Variants in MAPK10 observed in about 807,000 individuals in gnomAD.
The protein encoded by MAPK10 is JNK3 alpha protein kinase.
MAPK10 carries 25 observed loss-of-function variants against 59.3 expected under a neutral mutation model. The observed-to-expected ratio is 0.42, with a 90% CI of 0.31 to 0.59. The LOEUF (loss-of-function observed/expected upper bound fraction) is 0.59. MAPK10 is among the 20% of genes least tolerant of loss of function. The probability of loss-of-function intolerance (pLI) is 0.15; values close to 1 mark genes in which losing one functional copy is unlikely to be tolerated. For missense variants in MAPK10, 351 were observed against 568.9 expected (o/e 0.62, Z 3.90); for synonymous variants, 190 against 200.5 (o/e 0.95, Z 0.44).
At chr4:86,573,834 T>C (rs1225517311) in intron 1 of MAPK10, among the ~76,000 whole-genome samples, 1 of 152,238 alleles carries the variant, frequency 6.6e-6, no homozygotes, top group Non-Finnish European at 1.5e-5. Context: ...TCATCCTTTT[T>C]GATGCTATTG....
intron 4 of MAPK10, among the ~76,000 whole-genome samples, chr4:86,128,122 C>A (rs1188045859): frequency 1.3e-5 from 2 of 152,060 alleles, no homozygotes; most frequent in Non-Finnish European, 2.9e-5. Flanking sequence ...AAGATAGGCA[C>A]TCTTGTTGTT....
At chr4:86,320,668 C>T (rs2095870904) in intron 2 of MAPK10, among the ~76,000 whole-genome samples, 1 of 152,154 alleles carries the variant, frequency 6.6e-6, no homozygotes, top group African/African-American at 2.4e-5. Flanking sequence ...TTAATTAGAT[C>T]CCATTTGTCA....
At chr4:86,038,210 G>T (rs2040744246) in intron 11 of MAPK10, among the ~76,000 whole-genome samples, 1 of 152,160 alleles carries the variant, frequency 6.6e-6, no homozygotes, top group South Asian at 2.1e-4. Context: ...CAAGTTGTTG[G>T]TGTTTGTCTG....
At chr4:86,164,916 T>C (rs971092748) in intron 3 of MAPK10, among the ~76,000 whole-genome samples, 4 of 152,164 alleles carry the variant, frequency 2.6e-5, no homozygotes, top group African/African-American at 9.7e-5. Flanking sequence ...ACCTAGACAA[T>C]CTTGTGTGGT....
intron 9 of MAPK10, among the ~76,000 whole-genome samples, chr4:86,070,484 GCACCC>G: frequency 6.7e-6 from 1 of 150,360 alleles, no homozygotes; most frequent in Non-Finnish European, 1.5e-5. Flanking sequence ...CTGGTGCGCT[GCACCC>G]ACTAACTCGT....
At chr4:86,143,490 G>A (rs544844706) in intron 4 of MAPK10, among the ~76,000 whole-genome samples, 5 of 152,272 alleles carry the variant, frequency 3.3e-5, no homozygotes, top group African/African-American at 1.2e-4. Flanking sequence ...CTGGAACTAT[G>A]CAGGAACTCA....
chr4:86,536,298 T>C (rs1758239222), intron 1 of MAPK10, among the ~76,000 whole-genome samples: 2 of 152,354 alleles, frequency 1.3e-5, no homozygotes, highest in East Asian at 3.9e-4. Context: ...TTAATTTTAC[T>C]TGACATAATT....
At chr4:86,419,092 A>C (rs1252426042) in intron 1 of MAPK10, among the ~76,000 whole-genome samples, 3 of 152,174 alleles carry the variant, frequency 2.0e-5, no homozygotes, top group Non-Finnish European at 2.9e-5. Context: ...AGAAATCACC[A>C]CTAAAGAACT....
intron 3 of MAPK10, among the ~76,000 whole-genome samples, chr4:86,188,766 T>G (rs574728273): frequency 2.6e-5 from 4 of 152,344 alleles, no homozygotes; most frequent in South Asian, 4.1e-4. Flanking sequence ...CATTTGTCAA[T>G]TTTGGCTTTT....
intron 1 of MAPK10, among the ~76,000 whole-genome samples, chr4:86,578,258 A>G (rs1424387030): frequency 6.6e-6 from 1 of 152,160 alleles, no homozygotes; most frequent in Non-Finnish European, 1.5e-5. Context: ...TGTAGTGCAC[A>G]GTACAGCTCC....
intron 3 of MAPK10, among the ~76,000 whole-genome samples, chr4:86,163,697 C>A (rs2070645891): frequency 6.6e-6 from 1 of 152,110 alleles, no homozygotes. Context: ...GTACTTCTAA[C>A]AAGTTTCACA....
At chr4:86,338,499 G>T (rs1722911765) in intron 2 of MAPK10, among the ~76,000 whole-genome samples, 1 of 152,198 alleles carries the variant, frequency 6.6e-6, no homozygotes, top group South Asian at 2.1e-4. Flanking sequence ...TCTCAGGACA[G>T]TTTGGGGCAT....
At chr4:86,345,878 G>C (rs17416927) in intron 2 of MAPK10, among the ~76,000 whole-genome samples, 166 of 152,208 alleles carry the variant, frequency 1.1e-3, no homozygotes, top group African/African-American at 3.8e-3. Flanking sequence ...AATCCATTAC[G>C]ACCAATTCAC....
At chr4:86,420,618 A>G (rs776904301) in intron 1 of MAPK10, among the ~76,000 whole-genome samples, 1 of 151,618 alleles carries the variant, frequency 6.6e-6, no homozygotes, top group Admixed American at 6.6e-5. Context: ...CAAGACACCA[A>G]CTCTACAAAA....
chr4:86,159,217 TTTTG>T (rs753143742), intron 4 of MAPK10, 77 bp downstream of exon 4: 30 of 1,097,502 alleles, frequency 2.7e-5, no homozygotes, highest in Non-Finnish European at 3.6e-5. Flanking sequence ...ATTTTGGGGA[TTTTG>T]TTTGTTTGTG....
At chr4:86,295,609 C>T (rs1387011624) in intron 2 of MAPK10, among the ~76,000 whole-genome samples, 1 of 151,702 alleles carries the variant, frequency 6.6e-6, no homozygotes, top group African/African-American at 2.4e-5. Flanking sequence ...AAAATAACTG[C>T]AGCTCCAATG....
intron 1 of MAPK10, among the ~76,000 whole-genome samples, chr4:86,589,356 A>T (rs1209457122): frequency 6.6e-6 from 1 of 152,158 alleles, no homozygotes; most frequent in African/African-American, 2.4e-5. Flanking sequence ...TGTACCACTT[A>T]TCTGGAAGGC....
intron 2 of MAPK10, among the ~76,000 whole-genome samples, chr4:86,272,814 G>C (rs1343064203): frequency 6.6e-6 from 1 of 152,002 alleles, no homozygotes; most frequent in Non-Finnish European, 1.5e-5. Context: ...GGTCTCATAG[G>C]AAGATCTCAC....
chr4:86,343,923 CAATCATTGATTTTTAAATA>C (rs1726600640), intron 2 of MAPK10, among the ~76,000 whole-genome samples: 1 of 152,040 alleles, frequency 6.6e-6, no homozygotes, highest in South Asian at 2.1e-4. Flanking sequence ...AATGGGTTTA[CAATCATTGATTTTTAAATA>C]AATTACATAA....
Sources: allele counts gnomAD v4.1 joint callset (sites outside exome capture counted in the v4.1 genomes callset), GRCh38; gene constraint gnomAD v4.1.1; transcripts MANE v1.5; gene names NCBI Gene and HGNC (gene_info 2026-07-23, HGNC 2026-07-21).